The following ACTR3C variants were observed in gnomAD, a reference collection of about 807,000 sequenced individuals.
The protein encoded by ACTR3C is actin-related protein 3C.
A neutral mutation model predicts 26.3 loss-of-function variants in ACTR3C; 18 were observed. The observed-to-expected ratio is 0.68, with a 90% CI of 0.47 to 1.01. The LOEUF (loss-of-function observed/expected upper bound fraction) is 1.01, where lower values mean the gene tolerates loss of function less well. Among genes scored for constraint, ACTR3C ranks in the 50% least tolerant of loss-of-function variants. The pLI, the probability that ACTR3C is intolerant of heterozygous loss-of-function variation, is 0.00. For synonymous variants in ACTR3C, 55 were observed against 94.5 expected (o/e 0.58, Z 2.42); for missense variants, 184 against 250.7 (o/e 0.73, Z 1.80).
chr7:150,076,430 G>A, the ACTR3C span: 1 of 152,168 alleles, frequency 6.6e-6, no homozygotes, highest in Admixed American at 6.5e-5. Context: ...CTGCTAATTT[G>A]TGGATTGATA....
At chr7:149,927,175 G>A in the ACTR3C span, among the ~76,000 whole-genome samples, 144,194 of 152,096 alleles carry the variant, frequency 0.95, 68,618 homozygotes, top group Non-Finnish European at 0.99. Context: ...GGGAGACCAA[G>A]AGCCTTCTTA....
At chr7:150,032,971 T>TC in the ACTR3C span, among the ~76,000 whole-genome samples, 35 of 152,206 alleles carry the variant, frequency 2.3e-4, no homozygotes, top group African/African-American at 4.8e-4. Flanking sequence ...GTGCAAAAGG[T>TC]CTGCTGGAGA....
chr7:150,156,187 G>A, the ACTR3C span, among the ~76,000 whole-genome samples: 1 of 152,098 alleles, frequency 6.6e-6, no homozygotes, highest in Admixed American at 6.5e-5. Context: ...TCTCACCAGA[G>A]GGTCAGCAGC....
chr7:149,947,289 CT>C, the ACTR3C span, among the ~76,000 whole-genome samples: 3 of 135,660 alleles, frequency 2.2e-5, no homozygotes, highest in African/African-American at 3.2e-5. Flanking sequence ...TTAAATATGA[CT>C]TTTTTATAAT....
At chr7:150,195,789 G>T in the ACTR3C span, among the ~76,000 whole-genome samples, 1 of 152,214 alleles carries the variant, frequency 6.6e-6, no homozygotes, top group Non-Finnish European at 1.5e-5. Context: ...TGAGGCAGGA[G>T]AATCACTTGA....
chr7:150,191,436 A>G, the ACTR3C span, among the ~76,000 whole-genome samples: 7 of 152,332 alleles, frequency 4.6e-5, no homozygotes, highest in African/African-American at 1.2e-4. Flanking sequence ...TCCTGTAAAT[A>G]TTTTTTAGAT....
the ACTR3C span, among the ~76,000 whole-genome samples, chr7:150,195,487 T>C: frequency 6.6e-6 from 1 of 152,228 alleles, no homozygotes; most frequent in Non-Finnish European, 1.5e-5. Context: ...TCACTTTTTG[T>C]CTAACAAAGT....
At chr7:150,038,786 G>T in the ACTR3C span, among the ~76,000 whole-genome samples, 1 of 144,186 alleles carries the variant, frequency 6.9e-6, no homozygotes, top group African/African-American at 2.7e-5. Flanking sequence ...CTGGCTCTCA[G>T]TCCCCGCCTC....
At chr7:150,077,606 C>T in the ACTR3C span, among the ~76,000 whole-genome samples, 1 of 152,138 alleles carries the variant, frequency 6.6e-6, no homozygotes, top group Admixed American at 6.5e-5. Flanking sequence ...ACACTCAGGA[C>T]AAGTACTGGG....
chr7:150,223,683 G>A, the ACTR3C span, among the ~76,000 whole-genome samples: 1 of 151,968 alleles, frequency 6.6e-6, no homozygotes, highest in Non-Finnish European at 1.5e-5. Flanking sequence ...CCATTATAAA[G>A]TCAAAAAATT....
the ACTR3C span, among the ~76,000 whole-genome samples, chr7:150,106,111 C>T: frequency 9.9e-5 from 15 of 152,012 alleles, no homozygotes; most frequent in East Asian, 2.7e-3. Context: ...ATTAAAGATA[C>T]AGCCAAATCA....
the ACTR3C span, among the ~76,000 whole-genome samples, chr7:150,116,013 T>C: frequency 6.6e-6 from 1 of 152,204 alleles, no homozygotes; most frequent in Non-Finnish European, 1.5e-5. Flanking sequence ...AAAAGTGTCA[T>C]AGAAGCCAAA....
the ACTR3C span, among the ~76,000 whole-genome samples, chr7:150,105,472 T>G: frequency 6.6e-6 from 1 of 151,980 alleles, no homozygotes; most frequent in South Asian, 2.1e-4. Context: ...TTTGTTTTTA[T>G]CAGTGGCTAC....
the ACTR3C span, among the ~76,000 whole-genome samples, chr7:150,038,904 G>C: frequency 9.1e-6 from 1 of 110,378 alleles, no homozygotes; most frequent in Non-Finnish European, 2.0e-5. Flanking sequence ...CCCTGCGATG[G>C]GGGTACTAAC....
chr7:150,139,905 C>T, the ACTR3C span, among the ~76,000 whole-genome samples: 14 of 152,190 alleles, frequency 9.2e-5, no homozygotes, highest in Non-Finnish European at 1.6e-4. Context: ...AGTGACACAG[C>T]AGGGGAGCAA....
At chr7:150,094,600 C>T in the ACTR3C span, among the ~76,000 whole-genome samples, 1 of 150,676 alleles carries the variant, frequency 6.6e-6, no homozygotes, top group Admixed American at 6.6e-5. Flanking sequence ...CTTCAATGAA[C>T]AGGCTCCACT....
intron 6 of ACTR3C, among the ~76,000 whole-genome samples, chr7:150,262,364 C>A (rs1379153864): frequency 1.3e-5 from 2 of 152,374 alleles, no homozygotes; most frequent in Middle Eastern, 3.4e-3. Flanking sequence ...GCTGGTGGAA[C>A]TCAGTAATGG....
chr7:149,994,532 G>A, the ACTR3C span, among the ~76,000 whole-genome samples: 1 of 152,122 alleles, frequency 6.6e-6, no homozygotes, highest in Admixed American at 6.5e-5. Flanking sequence ...GGGAGGCAGA[G>A]GTTGCAGTGA....
the ACTR3C span, among the ~76,000 whole-genome samples, chr7:150,040,909 G>C: frequency 6.7e-6 from 1 of 149,624 alleles, no homozygotes; most frequent in Non-Finnish European, 1.5e-5. Flanking sequence ...TTTTGCCCAA[G>C]AGTCAGCTTA....
Sources: gnomAD v4.1 joint callset for allele counts (sites outside exome capture counted in the v4.1 genomes callset) on GRCh38, gnomAD v4.1.1 for gene constraint, MANE v1.5 for transcripts, NCBI Gene and HGNC (gene_info 2026-07-23, HGNC 2026-07-21) for gene names.